TMEM278: variants seen among roughly 807,000 people sequenced by gnomAD.
TMEM278 encodes transmembrane protein 88B.
chr1:1,427,599 C>G, the TMEM278 span: 1 of 1,280,542 alleles, frequency 7.8e-7, no homozygotes, highest in Non-Finnish European at 9.8e-7. Context: ...GTTCTCAGAC[C>G]GCGGCTCCGC....
chr1:1,426,180 C>G, the TMEM278 span: 1 of 1,418,524 alleles, frequency 7.0e-7, no homozygotes, highest in Non-Finnish European at 9.2e-7. Flanking sequence ...GGTGGTGCTT[C>G]CGACACAGCG....
chr1:1,425,892 G>C, the TMEM278 span, among the ~76,000 whole-genome samples: 1 of 152,218 alleles, frequency 6.6e-6, no homozygotes, highest in Non-Finnish European at 1.5e-5. Flanking sequence ...AGCTGGCTGG[G>C]GCTGGAGACT....
the TMEM278 span, among the ~76,000 whole-genome samples, chr1:1,429,180 A>C: frequency 1.3e-5 from 2 of 151,540 alleles, no homozygotes; most frequent in Non-Finnish European, 2.9e-5. Flanking sequence ...AAAAACAAAC[A>C]AAAAAACAAC....
chr1:1,426,342 C>T, the TMEM278 span: 28 of 1,444,718 alleles, frequency 1.9e-5, no homozygotes, highest in Non-Finnish European at 2.6e-5. Context: ...GTGCTCCTGC[C>T]CGCGGCCGCC....
the TMEM278 span, among the ~76,000 whole-genome samples, chr1:1,427,948 C>T: frequency 2.9e-5 from 3 of 101,920 alleles, no homozygotes; most frequent in African/African-American, 7.4e-5. Context: ...CGCAGCCCCG[C>T]CCCCGCCACG....
the TMEM278 span, chr1:1,426,499 G>A: frequency 9.3e-5 from 80 of 860,418 alleles, 1 homozygote; most frequent in Non-Finnish European, 1.2e-4. Context: ...TCAGAGACAC[G>A]TGTGCCCCTC....
At chr1:1,428,646 A>G in the TMEM278 span, among the ~76,000 whole-genome samples, 1 of 152,098 alleles carries the variant, frequency 6.6e-6, no homozygotes, top group African/African-American at 2.4e-5. Flanking sequence ...CCCCCTCATC[A>G]AATTACTCCC....
the TMEM278 span, chr1:1,427,712 G>A: frequency 1.5e-6 from 2 of 1,321,516 alleles, no homozygotes; most frequent in Non-Finnish European, 9.6e-7. Context: ...TGCTGCCTCC[G>A]CCCGCTGGGA....
At chr1:1,429,142 C>G in the TMEM278 span, among the ~76,000 whole-genome samples, 1 of 151,968 alleles carries the variant, frequency 6.6e-6, no homozygotes, top group Non-Finnish European at 1.5e-5. Flanking sequence ...GCACTCCAGC[C>G]TGGACAACAA....
At chr1:1,429,990 AG>A in the TMEM278 span, among the ~76,000 whole-genome samples, 1 of 152,132 alleles carries the variant, frequency 6.6e-6, no homozygotes, top group Non-Finnish European at 1.5e-5. Flanking sequence ...CCTCCCAAGT[AG>A]CTGTGACTAG....
the TMEM278 span, among the ~76,000 whole-genome samples, chr1:1,428,960 AC>A: frequency 6.8e-6 from 1 of 147,460 alleles, no homozygotes; most frequent in Non-Finnish European, 1.5e-5. Flanking sequence ...AGATCACGCC[AC>A]TGCACTCTAG....
At chr1:1,426,092 G>C in the TMEM278 span, 1 of 1,357,438 alleles carries the variant, frequency 7.4e-7, no homozygotes, top group South Asian at 1.8e-5. Flanking sequence ...TCTGCATTGA[G>C]CACCGCCCGG....
chr1:1,429,595 G>T, the TMEM278 span, among the ~76,000 whole-genome samples: 2 of 152,256 alleles, frequency 1.3e-5, no homozygotes, highest in Non-Finnish European at 2.9e-5. Flanking sequence ...TTCTCTGAAC[G>T]TTTGGTTGTT....
chr1:1,428,380 C>T, the TMEM278 span, among the ~76,000 whole-genome samples: 7 of 152,054 alleles, frequency 4.6e-5, no homozygotes, highest in East Asian at 5.8e-4. Context: ...TGGCGGCAGC[C>T]GGGCTCAGCC....
Sources: gnomAD v4.1 joint callset for allele counts (sites outside exome capture counted in the v4.1 genomes callset) on GRCh38, gnomAD v4.1.1 for gene constraint, MANE v1.5 for transcripts, NCBI Gene and HGNC (gene_info 2026-07-23, HGNC 2026-07-21) for gene names.